LDLRAD4: variants seen among roughly 807,000 people sequenced by gnomAD.
LDLRAD4 encodes the protein low-density lipoprotein receptor class A domain-containing protein 4.
LDLRAD4 carries 5 observed loss-of-function variants against 17.0 expected under a neutral mutation model. The observed-to-expected ratio is 0.29, with a 90% CI of 0.15 to 0.62. The LOEUF (loss-of-function observed/expected upper bound fraction) is 0.62. Among genes scored for constraint, LDLRAD4 ranks in the 20% least tolerant of loss-of-function variants. LDLRAD4 has a pLI of 0.84. For synonymous variants in LDLRAD4, 168 were observed against 171.8 expected, an observed-to-expected ratio of 0.98 and a Z score of 0.17; for missense variants, 340 against 424.7, an observed-to-expected ratio of 0.80 and a Z score of 1.75.
chr18:13,491,635 T>C (rs1370650466), intron 3 of LDLRAD4: 1 of 152,198 alleles, frequency 6.6e-6, no homozygotes, highest in Non-Finnish European at 1.5e-5. Context: ...CGTTTGATTT[T>C]ATAGCAAAAA....
At chr18:13,242,564 A>G (rs1028367810) in intron 1 of LDLRAD4, among the ~76,000 whole-genome samples, 10 of 152,252 alleles carry the variant, frequency 6.6e-5, no homozygotes, top group East Asian at 1.9e-4. Context: ...TGTAGTCTGT[A>G]TAGTATATAG....
chr18:13,549,449 G>A (rs1161154813), intron 3 of LDLRAD4, among the ~76,000 whole-genome samples: 3 of 152,054 alleles, frequency 2.0e-5, no homozygotes, highest in Non-Finnish European at 4.4e-5. Context: ...TGTCCATCAG[G>A]TGCTTCTGGG....
chr18:13,624,871 G>C (rs577101925), intron 4 of LDLRAD4, among the ~76,000 whole-genome samples: 15 of 152,342 alleles, frequency 9.8e-5, no homozygotes, highest in African/African-American at 3.6e-4. Context: ...TGTGCTCCAG[G>C]GCAAGGCGGC....
At chr18:13,247,808 G>A (rs186866806) in intron 1 of LDLRAD4, among the ~76,000 whole-genome samples, 134 of 152,112 alleles carry the variant, frequency 8.8e-4, no homozygotes, top group Non-Finnish European at 2.5e-4. Flanking sequence ...AGCTTTCCCC[G>A]ATTTCTGCCA....
chr18:13,597,111 C>T (rs900081989), intron 3 of LDLRAD4, among the ~76,000 whole-genome samples: 1 of 152,158 alleles, frequency 6.6e-6, no homozygotes, highest in South Asian at 2.1e-4. Context: ...CTACTAGCAA[C>T]AGTCTTTCAG....
chr18:13,614,452 CTTG>C (rs1427352786), intron 3 of LDLRAD4: 5 of 152,162 alleles, frequency 3.3e-5, no homozygotes, highest in Non-Finnish European at 5.9e-5. Context: ...TTTCGTTCTA[CTTG>C]TTGTACTATA....
intron 3 of LDLRAD4, among the ~76,000 whole-genome samples, chr18:13,590,100 C>G (rs2094995847): frequency 6.7e-6 from 1 of 149,010 alleles, no homozygotes; most frequent in African/African-American, 2.5e-5. Context: ...TGTGAGTGTG[C>G]ATGTGTGTGA....
intron 1 of LDLRAD4, among the ~76,000 whole-genome samples, chr18:13,382,944 T>C (rs890531128): frequency 3.3e-5 from 5 of 152,244 alleles, no homozygotes; most frequent in Admixed American, 1.3e-4. Flanking sequence ...TGAGGGCATT[T>C]AAGTCAATGA....
At chr18:13,555,604 T>G (rs1376074936) in intron 3 of LDLRAD4, among the ~76,000 whole-genome samples, 1 of 152,266 alleles carries the variant, frequency 6.6e-6, no homozygotes, top group Non-Finnish European at 1.5e-5. Context: ...ATTTGTTATT[T>G]AGCCCTATAA....
At chr18:13,259,429 G>C (rs1371899489) in intron 1 of LDLRAD4, among the ~76,000 whole-genome samples, 1 of 152,154 alleles carries the variant, frequency 6.6e-6, no homozygotes, top group East Asian at 1.9e-4. Flanking sequence ...TCTTGCCTCA[G>C]CCTCTGAAAG....
chr18:13,645,152 A>C lies in LDLRAD4; in HGVS notation c.416A>C (p.Asp139Ala). The C allele has an allele frequency of 1.2e-6, 2 of 1,613,150 alleles. No individual in the cohort carries two copies. The highest frequency in any genetic ancestry group is 1.7e-6 in the Non-Finnish European group (2 of 1,179,554). Residue 139 changes from aspartate (D) to alanine (A), a missense_variant, in exon 6 of 6, where the codon GAC becomes GCC. Physicochemically the swap from Asp to Ala is moderately radical, Grantham distance 126 (BLOSUM62 -2). Coordinates refer to ENST00000359446, the Ensembl canonical transcript of LDLRAD4. The surrounding 1 kb of genome is among the most constrained non-coding windows in gnomAD (Gnocchi z 5.7). ...ATCATGCATGCCCCGCGGTCCAGGGACAGGTTCACAGCGCCGTCCTTCATC... is the reference window on the plus strand; with the variant it reads ...ATCATGCATGCCCCGCGGTCCAGGGCCAGGTTCACAGCGCCGTCCTTCATC...
chr18:13,254,206 TGGAG>T (rs752830635), intron 1 of LDLRAD4, among the ~76,000 whole-genome samples: 1 of 151,960 alleles, frequency 6.6e-6, no homozygotes, highest in Non-Finnish European at 1.5e-5. Flanking sequence ...CCTGTCTGGG[TGGAG>T]GGCACAGCCC....
intron 2 of LDLRAD4, chr18:13,420,593 A>G (rs1156551366): frequency 6.6e-6 from 1 of 152,210 alleles, no homozygotes; most frequent in Admixed American, 6.5e-5. Flanking sequence ...CCAGTCTAGC[A>G]TTTATTTTGT....
chr18:13,547,068 G>A (rs1034327006), intron 3 of LDLRAD4, among the ~76,000 whole-genome samples: 12 of 152,220 alleles, frequency 7.9e-5, no homozygotes, highest in Non-Finnish European at 8.8e-5. Flanking sequence ...AGTGGGCCCC[G>A]ATGTTGACAA....
chr18:13,523,059 A>G lies in LDLRAD4; in HGVS notation c.181+84675A>G, dbSNP rs542686162. Among the ~76,000 whole-genome samples, 3 of 152,124 alleles carry G rather than the reference A, an allele frequency of 2.0e-5. 1 individual carries two copies. The South Asian group carries it at 6.2e-4, about 32-fold the overall frequency. On this transcript the variant is annotated intron_variant, in intron 3 of 5. Transcript: ENST00000359446. ...GATAGCCTGTGCCCGTGGAGGTCCC[A>G]GTGTCCACAGCAGTCTCCTCTTGGT...
intron 2 of LDLRAD4, among the ~76,000 whole-genome samples, chr18:13,401,658 A>G (rs1293871732): frequency 1.3e-5 from 2 of 152,140 alleles, no homozygotes; most frequent in African/African-American, 4.8e-5. Flanking sequence ...GCAGGAAGCA[A>G]ATGATGATGT....
At chr18:13,390,110 A>G (rs1291323621) in intron 2 of LDLRAD4, among the ~76,000 whole-genome samples, 1 of 152,166 alleles carries the variant, frequency 6.6e-6, no homozygotes. Context: ...ATCACTGCAC[A>G]TTTTATCATT....
chr18:13,465,073 T>A (rs979966817), intron 3 of LDLRAD4: 89 of 152,348 alleles, frequency 5.8e-4, no homozygotes, highest in African/African-American at 2.1e-3. Flanking sequence ...AATGGGGGCC[T>A]CTCCAGGGAG....
chr18:13,322,290 C>CTTTTTTTT lies in LDLRAD4; in HGVS notation c.-383+44116_-383+44123dup, dbSNP rs370707500. ...TTATTTAAGCCAGTCACTTTTCTCA[C>CTTTTTTTT]TTTTTTTTTTTTTTTTTTTTTGGTT... On this transcript the variant is annotated intron_variant, in intron 1 of 5. Transcript: ENST00000359446. 2.3e-3 allele frequency among the ~76,000 whole-genome samples: 250 copies of CTTTTTTTT among 109,742 alleles called. 4 individuals carry two copies. The highest frequency in any genetic ancestry group is 7.4e-3 in the Middle Eastern group (1 of 136). 72.0% of individuals were successfully genotyped at this position (109,742 alleles called of 152,430 possible).
Sources: allele counts gnomAD v4.1 joint callset (sites outside exome capture counted in the v4.1 genomes callset), GRCh38; gene constraint gnomAD v4.1.1; non-coding constraint Gnocchi (gnomAD v3.1); transcripts MANE v1.5; gene names NCBI Gene and HGNC (gene_info 2026-07-23, HGNC 2026-07-21).